Variants in SPAG16 observed in about 807,000 individuals in gnomAD.
SPAG16 encodes the protein sperm associated antigen 16.
Under a neutral mutation model 80.4 loss-of-function variants are expected in SPAG16, and 86 were observed. The ratio of observed to expected loss-of-function variants is 1.07; its 90% CI spans 0.90 to 1.28. The LOEUF is 1.28. SPAG16 is among the 50% of genes most tolerant of loss of function. SPAG16 has a pLI of 0.00. For missense variants in SPAG16, 870 were observed against 765.3 expected (o/e 1.14, Z -1.61); for synonymous variants, 294 against 265.9 (o/e 1.11, Z -1.03).
Position 213,350,617 on chromosome 2 carries a change from C to T in SPAG16, c.734C>T (p.Ser245Phe). 2 of 1,600,382 alleles carry T rather than the reference C, an allele frequency of 1.2e-6. No homozygotes were observed. The highest frequency in any genetic ancestry group is 1.1e-5 in the South Asian group (1 of 87,912). Residue 245 changes from serine (S) to phenylalanine (F), a missense_variant, in exon 7 of 16, where the codon TCC becomes TTC. Transcript: ENST00000331683. ...HTLLKEKMLT[S>F]LERDKVVGQI... ...TTACTGAAGGAGAAAATGCTGACCT[C>T]CTTGGAAAGAGACAAAGTAGTTGGG...
intron 12 of SPAG16, among the ~76,000 whole-genome samples, chr2:213,951,680 G>C (rs760786623): frequency 6.6e-6 from 1 of 152,140 alleles, no homozygotes; most frequent in Non-Finnish European, 1.5e-5. Context: ...ATAAATTAAA[G>C]TTGGAAGAAA....
chr2:213,821,820 T>C (rs1474737805), intron 10 of SPAG16, among the ~76,000 whole-genome samples: 2 of 152,210 alleles, frequency 1.3e-5, no homozygotes, highest in East Asian at 1.9e-4. Context: ...TGTCTATACC[T>C]GTCTTATTTC....
At chr2:213,692,289 T>G (rs1008313831) in intron 10 of SPAG16, among the ~76,000 whole-genome samples, 1 of 152,192 alleles carries the variant, frequency 6.6e-6, no homozygotes, top group Non-Finnish European at 1.5e-5. Context: ...TTACAGTACC[T>G]TTTTTAAGTG....
At position 213,355,341 on chromosome 2, in the gene SPAG16, A is replaced by T. The variant is rs1366110090; in HGVS notation, c.762+4696A>T. Among the ~76,000 whole-genome samples the T allele has an allele frequency of 2.7e-5, 4 of 150,702 alleles. No homozygotes were observed. In the Admixed American group the frequency reaches 2.7e-4, roughly 10 times the overall value. On this transcript the variant is annotated intron_variant, in intron 7 of 15. Transcript: ENST00000331683. ...CTTTTTGCTTAGGATTGTCTTGGCT[A>T]TGCAGGCTCTTTTTTGGTTCCATAT...
At chr2:213,833,576 T>TTATAA (rs74204869) in intron 10 of SPAG16, among the ~76,000 whole-genome samples, 573 of 20,018 alleles carry the variant, frequency 0.029, 171 homozygotes, top group South Asian at 0.067. Flanking sequence ...AATATATATA[T>TTATAA]AATATATATA....
intron 11 of SPAG16, among the ~76,000 whole-genome samples, chr2:213,876,214 T>A (rs74986993): frequency 0.01 from 1,509 of 150,304 alleles, 33 homozygotes; most frequent in African/African-American, 0.034. Flanking sequence ...GAAATGTAGG[T>A]ACATAACTTT....
At chr2:214,351,427 C>T (rs988683085) in intron 15 of SPAG16, among the ~76,000 whole-genome samples, 8 of 151,964 alleles carry the variant, frequency 5.3e-5, no homozygotes, top group African/African-American at 1.5e-4. Flanking sequence ...ATTGGCCGGG[C>T]GCTGTGGCTC....
intron 10 of SPAG16, among the ~76,000 whole-genome samples, chr2:213,620,748 C>T (rs1000824344): frequency 6.6e-6 from 1 of 152,072 alleles, no homozygotes; most frequent in Non-Finnish European, 1.5e-5. Context: ...ACCATAAATA[C>T]ATACAATGAT....
chr2:213,688,233 AG>A (rs2064778706), intron 10 of SPAG16, among the ~76,000 whole-genome samples: 1 of 152,210 alleles, frequency 6.6e-6, no homozygotes, highest in South Asian at 2.1e-4. Flanking sequence ...GTGGAGACCA[AG>A]GTATTTTGAA....
At chr2:213,931,770 G>C (rs2078761699) in intron 12 of SPAG16, among the ~76,000 whole-genome samples, 1 of 152,112 alleles carries the variant, frequency 6.6e-6, no homozygotes, top group Non-Finnish European at 1.5e-5. Flanking sequence ...AATTGCTTCT[G>C]ATTGATGCCA....
At chr2:213,734,895 T>G (rs569811221) in intron 10 of SPAG16, among the ~76,000 whole-genome samples, 37 of 152,194 alleles carry the variant, frequency 2.4e-4, no homozygotes, top group Non-Finnish European at 5.0e-4. Context: ...TGACAATTGT[T>G]AATCTCCATC....
At chr2:213,451,408 A>C (rs534436993) in intron 9 of SPAG16, among the ~76,000 whole-genome samples, 1 of 152,262 alleles carries the variant, frequency 6.6e-6, no homozygotes, top group East Asian at 1.9e-4. Context: ...ATGTTCAGCC[A>C]ACTTCTTAAT....
At chr2:214,007,512 A>C (rs2047083019) in intron 12 of SPAG16, among the ~76,000 whole-genome samples, 1 of 152,116 alleles carries the variant, frequency 6.6e-6, no homozygotes, top group African/African-American at 2.4e-5. Context: ...TTGTCATTTC[A>C]ATTTAATCTG....
At chr2:213,326,188 A>T (rs2063831955) in intron 5 of SPAG16, among the ~76,000 whole-genome samples, 1 of 152,064 alleles carries the variant, frequency 6.6e-6, no homozygotes, top group Non-Finnish European at 1.5e-5. Flanking sequence ...CATTTAAAAA[A>T]TAATGACATA....
At chr2:213,543,862 T>G (rs2076532049) in intron 10 of SPAG16, among the ~76,000 whole-genome samples, 1 of 152,086 alleles carries the variant, frequency 6.6e-6, no homozygotes, top group Non-Finnish European at 1.5e-5. Flanking sequence ...ACTGGAATTG[T>G]GTTGAATTTA....
intron 10 of SPAG16, among the ~76,000 whole-genome samples, chr2:213,743,705 TCA>T (rs901142607): frequency 1.2e-4 from 19 of 152,286 alleles, no homozygotes; most frequent in Admixed American, 9.8e-4. Flanking sequence ...CTCTTCATTT[TCA>T]CAGTGTTGTA....
chr2:214,369,925 A>G lies in SPAG16; in HGVS notation c.1721-40215A>G, dbSNP rs148876106. Among the ~76,000 whole-genome samples the G allele has an allele frequency of 3.4e-3, 511 of 152,288 alleles. 2 individuals are homozygous for G. Among genetic ancestry groups the G allele is most frequent in the African/African-American group, 0.012 (496 of 41,572 alleles). On this transcript the variant is annotated intron_variant, in intron 15 of 15. Transcript: ENST00000331683. ...CAACTAATCTGCTTCATCCTTTAAAAGAATTAAAAATAAAAATATACATTT... is the reference window on the plus strand; with the variant it reads ...CAACTAATCTGCTTCATCCTTTAAAGGAATTAAAAATAAAAATATACATTT...
chr2:213,678,939 G>T (rs1574776838), intron 10 of SPAG16, among the ~76,000 whole-genome samples: 1 of 152,120 alleles, frequency 6.6e-6, no homozygotes, highest in Non-Finnish European at 1.5e-5. Context: ...CTCCTGTCAA[G>T]ACTTGTAGGA....
intron 10 of SPAG16, among the ~76,000 whole-genome samples, chr2:213,844,654 C>T (rs1041417421): frequency 3.3e-5 from 5 of 152,070 alleles, no homozygotes. Context: ...TCAATAAATG[C>T]TAACTGATTA....
Sources: allele counts gnomAD v4.1 joint callset (sites outside exome capture counted in the v4.1 genomes callset), GRCh38; gene constraint gnomAD v4.1.1; transcripts MANE v1.5; gene names NCBI Gene and HGNC (gene_info 2026-07-23, HGNC 2026-07-21).